The following HPSE2 variants were observed in gnomAD, a reference collection of about 807,000 sequenced individuals.
HPSE2 encodes inactive heparanase-2.
A neutral mutation model predicts 60.5 loss-of-function variants in HPSE2; 38 were observed. That is an observed-to-expected ratio of 0.63 (90% CI 0.48 to 0.82). The LOEUF is 0.82. Among genes scored for constraint, HPSE2 ranks in the 40% least tolerant of loss-of-function variants. The pLI is 0.00. For synonymous variants in HPSE2, 295 were observed against 293.2 expected, an observed-to-expected ratio of 1.01 and a Z score of -0.06; for missense variants, 713 against 740.4, an observed-to-expected ratio of 0.96 and a Z score of 0.43.
intron 3 of HPSE2, among the ~76,000 whole-genome samples, chr10:98,992,219 G>T (rs60049619): frequency 5.3e-5 from 8 of 152,218 alleles, no homozygotes; most frequent in African/African-American, 1.9e-4. Flanking sequence ...GTTCCCCTGG[G>T]CTTTAAGAAA....
intron 3 of HPSE2, chr10:99,048,060 C>A: frequency 1.4e-6 from 1 of 708,012 alleles, no homozygotes; most frequent in Non-Finnish European, 2.5e-6. Flanking sequence ...CCATATATTG[C>A]ATGGGGGTAC....
intron 2 of HPSE2, among the ~76,000 whole-genome samples, chr10:99,203,069 T>C (rs571676031): frequency 6.6e-6 from 1 of 152,210 alleles, no homozygotes; most frequent in East Asian, 1.9e-4. Flanking sequence ...AGCCAGATCC[T>C]GCAGCATCAG....
chr10:99,047,714 A>G, intron 3 of HPSE2: 1 of 849,372 alleles, frequency 1.2e-6, no homozygotes. Context: ...AAGGAATTTC[A>G]CAGAGCTGAA....
chr10:99,109,495 T>A (rs901156422), intron 3 of HPSE2, among the ~76,000 whole-genome samples: 1 of 152,138 alleles, frequency 6.6e-6, no homozygotes, highest in South Asian at 2.1e-4. Context: ...GTGGAATAGA[T>A]TATTTCGCAG....
chr10:98,533,691 T>C (rs1262417649), intron 9 of HPSE2, among the ~76,000 whole-genome samples: 1 of 152,154 alleles, frequency 6.6e-6, no homozygotes, highest in Non-Finnish European at 1.5e-5. Flanking sequence ...CTGGGATAGC[T>C]CAGTAAATAC....
chr10:98,516,996 A>G (rs931004261), intron 9 of HPSE2, among the ~76,000 whole-genome samples: 1 of 152,224 alleles, frequency 6.6e-6, no homozygotes, highest in African/African-American at 2.4e-5. Context: ...TAAATTTACC[A>G]GGAGCTCCCT....
At chr10:98,648,912 C>T (rs1164146319) in intron 6 of HPSE2, among the ~76,000 whole-genome samples, 1 of 152,124 alleles carries the variant, frequency 6.6e-6, no homozygotes, top group Admixed American at 6.5e-5. Context: ...TTACATAATG[C>T]TTCCTCATAG....
chr10:99,156,961 A>G lies in HPSE2; in HGVS notation c.449-12562T>C, dbSNP rs1196632406. On this transcript the variant is annotated intron_variant, in intron 2 of 11. Transcript: ENST00000370552. Reference sequence around the variant, plus strand: ...AAGCATTCTTATACACCAATAACAGACAAACAGAGAGGCAAATCATGAGTG... The same window carrying G: ...AAGCATTCTTATACACCAATAACAGGCAAACAGAGAGGCAAATCATGAGTG... 3.0e-3 allele frequency among the ~76,000 whole-genome samples: 407 copies of G among 136,270 alleles called. 2 individuals are homozygous for G. The highest frequency in any genetic ancestry group is 5.0e-3 in the Non-Finnish European group (310 of 61,434). The allele number at this position is 136,270 out of a possible 152,430, so 89.4% of individuals were successfully genotyped here. A position where few individuals can be genotyped will look rare whatever the true frequency, so the allele number is the denominator to read the frequency against.
At chr10:99,132,910 G>A (rs1445388632) in intron 3 of HPSE2, among the ~76,000 whole-genome samples, 1 of 152,146 alleles carries the variant, frequency 6.6e-6, no homozygotes, top group East Asian at 1.9e-4. Flanking sequence ...CCCTGGAAAG[G>A]GGTGCTGAAG....
At chr10:99,231,726 G>C (rs1849651203) in intron 2 of HPSE2, among the ~76,000 whole-genome samples, 1 of 151,872 alleles carries the variant, frequency 6.6e-6, no homozygotes, top group African/African-American at 2.4e-5. Flanking sequence ...TCTGAGATTA[G>C]GCAATCTGAA....
At chr10:98,906,083 T>G (rs1953808190) in intron 3 of HPSE2, among the ~76,000 whole-genome samples, 1 of 152,200 alleles carries the variant, frequency 6.6e-6, no homozygotes, top group Non-Finnish European at 1.5e-5. Flanking sequence ...TCTGAAGGTC[T>G]GATCCTCTCA....
intron 3 of HPSE2, among the ~76,000 whole-genome samples, chr10:98,934,933 T>C (rs1354552039): frequency 7.0e-6 from 1 of 143,386 alleles, no homozygotes; most frequent in African/African-American, 2.9e-5. Flanking sequence ...CAGTCACAGG[T>C]TTGGTCTTTT....
At chr10:98,915,847 A>G (rs1260266868) in intron 3 of HPSE2, among the ~76,000 whole-genome samples, 1 of 152,226 alleles carries the variant, frequency 6.6e-6, no homozygotes, top group Non-Finnish European at 1.5e-5. Flanking sequence ...CAAATGAGAT[A>G]CAATAGAAGC....
At chr10:99,305,973 GCGCGCGCACACACA>G in the HPSE2 span, among the ~76,000 whole-genome samples, 1 of 44,054 alleles carries the variant, frequency 2.3e-5, no homozygotes, top group African/African-American at 9.2e-5. Flanking sequence ...GCGCGCGCGC[GCGCGCGCACACACA>G]CACACACACA....
intron 3 of HPSE2, among the ~76,000 whole-genome samples, chr10:98,798,506 ATAAC>A (rs1379684496): frequency 1.3e-5 from 2 of 152,264 alleles, no homozygotes; most frequent in African/African-American, 4.8e-5. Context: ...ATCAGAAACA[ATAAC>A]TACAACAAAT....
At chr10:98,718,413 GC>G (rs2134239908) in intron 5 of HPSE2, among the ~76,000 whole-genome samples, 1 of 152,166 alleles carries the variant, frequency 6.6e-6, no homozygotes, top group African/African-American at 2.4e-5. Flanking sequence ...CAATAAAAAA[GC>G]TTACCCAGCA....
At chr10:98,671,796 AG>A (rs1947513728) in intron 6 of HPSE2, among the ~76,000 whole-genome samples, 1 of 152,194 alleles carries the variant, frequency 6.6e-6, no homozygotes, top group Non-Finnish European at 1.5e-5. Context: ...TTTACAGGAA[AG>A]GTAAGAATCT....
Position 98,604,279 on chromosome 10 carries a change from A to G in HPSE2, c.1320+10625T>C, listed in dbSNP as rs532541432. Among the ~76,000 whole-genome samples, 3 of 150,666 alleles carry G rather than the reference A, an allele frequency of 2.0e-5. No individual in the cohort carries two copies. In the South Asian group the frequency reaches 6.3e-4, roughly 32 times the overall value. On this transcript the variant is annotated intron_variant, in intron 9 of 11. Transcript: ENST00000370552. ...GCAAAAGCAGATGAGCAATGCAAGC[A>G]GAGAGATGGATATCCTAAGAAAGAA...
At chr10:98,617,946 G>A (rs542215655) in intron 8 of HPSE2, among the ~76,000 whole-genome samples, 15 of 152,166 alleles carry the variant, frequency 9.9e-5, no homozygotes, top group African/African-American at 3.4e-4. Context: ...TCAGAGTTAC[G>A]TGATATATAA....
Sources: allele counts gnomAD v4.1 joint callset (sites outside exome capture counted in the v4.1 genomes callset), GRCh38; gene constraint gnomAD v4.1.1; transcripts MANE v1.5; gene names NCBI Gene and HGNC (gene_info 2026-07-23, HGNC 2026-07-21).